USP15: variants seen among roughly 807,000 people sequenced by gnomAD.
USP15 encodes the protein ubiquitin carboxyl-terminal hydrolase 15.
USP15 carries 18 observed loss-of-function variants against 127.1 expected under a neutral mutation model. That is an observed-to-expected ratio of 0.14 (90% CI 0.10 to 0.21). The LOEUF is 0.21. USP15 is among the 10% of genes least tolerant of loss of function. The pLI is 1.00. For synonymous variants in USP15, 364 were observed against 393.7 expected (o/e 0.92, Z 0.89); for missense variants, 805 against 1,159.9 (o/e 0.69, Z 4.44).
At chr12:62,316,785 A>G (rs2064842528) in intron 4 of USP15, among the ~76,000 whole-genome samples, 1 of 152,116 alleles carries the variant, frequency 6.6e-6, no homozygotes, top group Non-Finnish European at 1.5e-5. Context: ...ATTCAAAACA[A>G]GAATTATGGG....
intron 8 of USP15, among the ~76,000 whole-genome samples, chr12:62,369,532 C>A (rs2066593119): frequency 6.6e-6 from 1 of 151,782 alleles, no homozygotes; most frequent in South Asian, 2.1e-4. Context: ...CTTTTTCACA[C>A]ATGTGCCAGC....
intron 1 of USP15, among the ~76,000 whole-genome samples, chr12:62,281,693 A>G (rs540364046): frequency 7.9e-5 from 12 of 152,140 alleles, no homozygotes; most frequent in African/African-American, 2.7e-4. Context: ...AATTGTGTAG[A>G]TAGCCCTAAG....
intron 8 of USP15, among the ~76,000 whole-genome samples, chr12:62,372,022 A>T (rs2066688310): frequency 6.6e-6 from 1 of 152,102 alleles, no homozygotes; most frequent in African/African-American, 2.4e-5. Context: ...GTACATCAAG[A>T]TGTATTTTAA....
At chr12:62,330,754 C>T (rs34649405) in intron 6 of USP15, among the ~76,000 whole-genome samples, 1 of 136,080 alleles carries the variant, frequency 7.3e-6, no homozygotes, top group Non-Finnish European at 1.6e-5. Context: ...GACCCCGTCT[C>T]TACAAAAAAA....
In USP15 at chr12:62,289,130, A is replaced by T. The variant is rs543892118; in HGVS notation, c.90-5049A>T. On this transcript the variant is annotated intron_variant, in intron 1 of 21. Transcript: ENST00000280377. ...GAATTAGAAAGGGAAGATTCCCTCT[A>T]CTATTTTGGAACAGTTTCAGTGGGA... 4.6e-5 allele frequency among the ~76,000 whole-genome samples: 7 copies of T among 152,076 alleles called. No individual in the cohort carries two copies. The South Asian group carries it at 1.4e-3, about 31-fold the overall frequency.
At chr12:62,330,054 G>A (rs925119856) in intron 6 of USP15, among the ~76,000 whole-genome samples, 1 of 152,146 alleles carries the variant, frequency 6.6e-6, no homozygotes, top group African/African-American at 2.4e-5. Flanking sequence ...TAACAATGGT[G>A]AGATCTTTAA....
chr12:62,347,598 C>T (rs1484095063), intron 6 of USP15, among the ~76,000 whole-genome samples: 1 of 151,806 alleles, frequency 6.6e-6, no homozygotes, highest in Non-Finnish European at 1.5e-5. Context: ...AATGTGGAGG[C>T]AAAAATGCCA....
Position 62,410,414 on chromosome 12 carries a change from T to G in USP15, c.*6039T>G, listed in dbSNP as rs2068011196. On this transcript the variant is annotated 3_prime_UTR_variant, in exon 22 of 22. Coordinates refer to ENST00000280377, the MANE Select transcript of USP15 (RefSeq NM_001252078.2). ...AAGATGGGAAAATTACTTATAGTATTTTTTTTTAATTTGAGAAAGAATTCC... is the reference window on the plus strand; with the variant it reads ...AAGATGGGAAAATTACTTATAGTATGTTTTTTTAATTTGAGAAAGAATTCC... 6.6e-6 allele frequency: 1 copy of G among 151,792 alleles called. No individual in the cohort carries two copies. Among genetic ancestry groups the G allele is most frequent in the Admixed American group, 6.6e-5 (1 of 15,222 alleles). 9.4% of individuals were successfully genotyped at this position (151,792 alleles called of 1,614,324 possible).
chr12:62,283,619 C>T (rs1451218245), intron 1 of USP15, among the ~76,000 whole-genome samples: 1 of 152,102 alleles, frequency 6.6e-6, no homozygotes, highest in Admixed American at 6.5e-5. Context: ...ACTAAGAGTT[C>T]AGGATGCTGG....
At chr12:62,339,271 C>T (rs2065576924) in intron 6 of USP15, among the ~76,000 whole-genome samples, 1 of 152,122 alleles carries the variant, frequency 6.6e-6, no homozygotes, top group South Asian at 2.1e-4. Context: ...AGTTGCTTAT[C>T]AGGTTAAGGA....
chr12:62,310,251 T>C (rs2064623159), intron 3 of USP15, among the ~76,000 whole-genome samples: 1 of 151,974 alleles, frequency 6.6e-6, no homozygotes, highest in Non-Finnish European at 1.5e-5. Flanking sequence ...CAGGGTATTT[T>C]GGGTGTCCTT....
At chr12:62,300,964 T>C (rs2064298897) in intron 2 of USP15, among the ~76,000 whole-genome samples, 1 of 152,132 alleles carries the variant, frequency 6.6e-6, no homozygotes, top group Non-Finnish European at 1.5e-5. Context: ...GGAGAAGATA[T>C]TTACAATCAT....
At chr12:62,316,830 G>A (rs1019505072) in intron 4 of USP15, among the ~76,000 whole-genome samples, 34 of 151,984 alleles carry the variant, frequency 2.2e-4, no homozygotes, top group Admixed American at 1.9e-3. Context: ...AATTTGTCAC[G>A]AAGATATGTA....
At chr12:62,282,074 T>C (rs1034597198) in intron 1 of USP15, among the ~76,000 whole-genome samples, 8 of 152,116 alleles carry the variant, frequency 5.3e-5, no homozygotes, top group Non-Finnish European at 1.0e-4. Flanking sequence ...ATGTCTGTAA[T>C]CCCAGCACTT....
At chr12:62,299,187 T>C (rs1285090741) in intron 2 of USP15, among the ~76,000 whole-genome samples, 4 of 152,128 alleles carry the variant, frequency 2.6e-5, no homozygotes, top group Non-Finnish European at 5.9e-5. Flanking sequence ...CTCAGCTCAC[T>C]GCAACCTCCG....
chr12:62,399,673 G>T (rs565919645), intron 20 of USP15, among the ~76,000 whole-genome samples: 3 of 151,734 alleles, frequency 2.0e-5, no homozygotes, highest in Non-Finnish European at 2.9e-5. Context: ...CTCTTTCTAC[G>T]GTTTCTCTCC....
At chr12:62,275,803 T>C (rs751666875) in intron 1 of USP15, among the ~76,000 whole-genome samples, 2 of 152,064 alleles carry the variant, frequency 1.3e-5, no homozygotes, top group African/African-American at 2.4e-5. Context: ...GATTCAGGTG[T>C]GATGCAGTAG....
chr12:62,394,796 C>T (rs2067433412), intron 19 of USP15, among the ~76,000 whole-genome samples: 1 of 151,520 alleles, frequency 6.6e-6, no homozygotes, highest in African/African-American at 2.4e-5. Context: ...TTTCAGTGAG[C>T]TGAGATCGCG....
At chr12:62,321,049 T>A (rs1325883506) in intron 4 of USP15, among the ~76,000 whole-genome samples, 1 of 152,144 alleles carries the variant, frequency 6.6e-6, no homozygotes, top group Admixed American at 6.6e-5. Flanking sequence ...TATTTTTAAA[T>A]TGCTTATGTG....
Sources: gnomAD v4.1 joint callset for allele counts (sites outside exome capture counted in the v4.1 genomes callset) on GRCh38, gnomAD v4.1.1 for gene constraint, MANE v1.5 for transcripts, NCBI Gene and HGNC (gene_info 2026-07-23, HGNC 2026-07-21) for gene names.